Variants in GREM2 observed in about 807,000 individuals in gnomAD.
GREM2 encodes gremlin-2.
GREM2 carries 11 observed loss-of-function variants against 14.2 expected under a neutral mutation model. The ratio of observed to expected loss-of-function variants is 0.78; its 90% CI spans 0.49 to 1.28. The LOEUF is 1.28. GREM2 is among the 50% of genes most tolerant of loss of function. The pLI is 0.00. For synonymous variants in GREM2, 98 were observed against 97.6 expected (o/e 1.00, Z -0.02); for missense variants, 210 against 218.5 (o/e 0.96, Z 0.24).
intron 1 of GREM2, among the ~76,000 whole-genome samples, chr1:240,576,529 A>G (rs1679377154): frequency 6.6e-6 from 1 of 152,186 alleles, no homozygotes; most frequent in South Asian, 2.1e-4. Flanking sequence ...TTTTTTTTTA[A>G]GAAACCATGA....
chr1:240,526,775 C>T (rs930664125), intron 1 of GREM2, among the ~76,000 whole-genome samples: 1 of 152,170 alleles, frequency 6.6e-6, no homozygotes, highest in African/African-American at 2.4e-5. Context: ...AAAATCTGTG[C>T]TTTAGTGAAA....
intron 1 of GREM2, among the ~76,000 whole-genome samples, chr1:240,549,047 T>C (rs1254178512): frequency 6.6e-6 from 1 of 151,832 alleles, no homozygotes; most frequent in East Asian, 1.9e-4. Context: ...TGTTAAGAAG[T>C]AAAGCAAGGC....
At chr1:240,596,603 A>G (rs547179425) in intron 1 of GREM2, among the ~76,000 whole-genome samples, 283 of 152,172 alleles carry the variant, frequency 1.9e-3, no homozygotes, top group Non-Finnish European at 3.1e-3. Context: ...AGGCTGAGGC[A>G]GGAGAATTGC....
At chr1:240,503,881 A>T (rs1677625476) in intron 1 of GREM2, among the ~76,000 whole-genome samples, 1 of 152,202 alleles carries the variant, frequency 6.6e-6, no homozygotes, top group South Asian at 2.1e-4. Context: ...GAGTCTAAGT[A>T]ATTGGAAGAG....
chr1:240,579,399 C>T (rs1202478332), intron 1 of GREM2, among the ~76,000 whole-genome samples: 2 of 151,552 alleles, frequency 1.3e-5, no homozygotes, highest in African/African-American at 4.8e-5. Context: ...CGCAAAACAC[C>T]TCCTCAGTCT....
chr1:240,602,989 C>T (rs1571953813), intron 1 of GREM2, among the ~76,000 whole-genome samples: 1 of 152,046 alleles, frequency 6.6e-6, no homozygotes, highest in East Asian at 1.9e-4. Flanking sequence ...AGGAGAATGG[C>T]GTGAACCCGG....
chr1:240,507,242 T>A (rs1677694611), intron 1 of GREM2, among the ~76,000 whole-genome samples: 1 of 152,142 alleles, frequency 6.6e-6, no homozygotes, highest in Non-Finnish European at 1.5e-5. Context: ...GAACACCAGC[T>A]TTTTCCTTCC....
intron 1 of GREM2, among the ~76,000 whole-genome samples, chr1:240,524,758 C>G (rs2103307443): frequency 6.6e-6 from 1 of 152,292 alleles, no homozygotes; most frequent in South Asian, 2.1e-4. Flanking sequence ...GATGACCTTT[C>G]TTTTGCACAC....
chr1:240,519,995 G>A lies in GREM2; in HGVS notation c.-1-26519C>T, dbSNP rs113172381. Among the ~76,000 whole-genome samples, 1,199 of 152,170 alleles carry A rather than the reference G, an allele frequency of 7.9e-3. 14 individuals are homozygous for A. The highest frequency in any genetic ancestry group is 0.027 in the African/African-American group (1,115 of 41,486). On this transcript the variant is annotated intron_variant, in intron 1 of 1. Transcript: ENST00000318160. The stretch of plus-strand genomic sequence containing the variant: ...CTCAGGAGGCTGAGGCATGAGAACC[G>A]CTTGAACCCGAGAGACGGAGGTTGC...
intron 1 of GREM2, among the ~76,000 whole-genome samples, chr1:240,602,942 G>A (rs1387898482): frequency 2.0e-5 from 3 of 151,866 alleles, no homozygotes; most frequent in East Asian, 3.9e-4. Flanking sequence ...GTGTGGTGGC[G>A]GGCGCCTGTA....
rs1678565531 is a variant in GREM2, at chr1:240,540,655, T to C, written c.-1-47179A>G. Among the ~76,000 whole-genome samples the C allele has an allele frequency of 6.6e-6, 1 of 151,914 alleles. No individual in the cohort carries two copies. The highest frequency in any genetic ancestry group is 1.5e-5 in the Non-Finnish European group (1 of 67,990). ...TAGACTTACAGCAACCTCTGCCTCCTGGGTTCAAGAGATTCTCCTGCCTCA... is the reference window on the plus strand; with the variant it reads ...TAGACTTACAGCAACCTCTGCCTCCCGGGTTCAAGAGATTCTCCTGCCTCA... On this transcript the variant is annotated intron_variant, in intron 1 of 1. Coordinates refer to ENST00000318160, the MANE Select transcript of GREM2 (RefSeq NM_022469.4). This position sits in a 1 kb window ranked among gnomAD's most constrained non-coding sequence, Gnocchi z 4.2.
chr1:240,549,342 A>C (rs1408280615), intron 1 of GREM2, among the ~76,000 whole-genome samples: 1 of 151,984 alleles, frequency 6.6e-6, no homozygotes, highest in Admixed American at 6.6e-5. Flanking sequence ...ATCTCAAAAA[A>C]AAAAAAAAGA....
At chr1:240,524,770 T>G (rs549049909) in intron 1 of GREM2, among the ~76,000 whole-genome samples, 15 of 152,322 alleles carry the variant, frequency 9.8e-5, no homozygotes, top group African/African-American at 3.4e-4. Context: ...TTTGCACACT[T>G]TTTTCCTACC....
At chr1:240,551,192 G>A (rs1678842295) in intron 1 of GREM2, among the ~76,000 whole-genome samples, 1 of 152,130 alleles carries the variant, frequency 6.6e-6, no homozygotes, top group Non-Finnish European at 1.5e-5. Flanking sequence ...TTCTCCATGA[G>A]GGTTCAAAGT....
At chr1:240,500,548 A>C (rs1037136754) in intron 1 of GREM2, among the ~76,000 whole-genome samples, 2 of 152,036 alleles carry the variant, frequency 1.3e-5, no homozygotes, top group African/African-American at 4.8e-5. Context: ...CAAGTGATCC[A>C]TTCGCCTTGG....
intron 1 of GREM2, among the ~76,000 whole-genome samples, chr1:240,512,504 C>CAGTT: frequency 3.9e-4 from 53 of 136,342 alleles, no homozygotes; most frequent in South Asian, 1.6e-3. Context: ...TCATCTTGAT[C>CAGTT]TCACACATGA....
chr1:240,522,361 G>T lies in GREM2; in HGVS notation c.-1-28885C>A, dbSNP rs1468714615. Reference sequence around the variant, plus strand: ...CTTCTGGCACATTCAAGTCCCCATTGAATGCTTTACCTTGGCAAAGCAATT... The same window carrying T: ...CTTCTGGCACATTCAAGTCCCCATTTAATGCTTTACCTTGGCAAAGCAATT... On this transcript the variant is annotated intron_variant, in intron 1 of 1. Transcript: ENST00000318160. 2.0e-5 allele frequency among the ~76,000 whole-genome samples: 3 copies of T among 152,100 alleles called. 1 individual carries two copies. Among genetic ancestry groups the T allele is most frequent in the Non-Finnish European group, 4.4e-5 (3 of 68,030 alleles).
intron 1 of GREM2, among the ~76,000 whole-genome samples, chr1:240,507,189 C>A (rs1453161645): frequency 1.3e-5 from 2 of 152,112 alleles, no homozygotes; most frequent in Admixed American, 6.6e-5. Context: ...GATTACTGAG[C>A]GGTAGAGTAA....
intron 1 of GREM2, among the ~76,000 whole-genome samples, chr1:240,505,121 C>G (rs968890028): frequency 2.0e-5 from 3 of 152,126 alleles, no homozygotes; most frequent in African/African-American, 7.2e-5. Flanking sequence ...CCTCCCCTAT[C>G]TCTCTCTTCC....
Sources: gnomAD v4.1 joint callset for allele counts (sites outside exome capture counted in the v4.1 genomes callset) on GRCh38, gnomAD v4.1.1 for gene constraint, Gnocchi (gnomAD v3.1) non-coding constraint, MANE v1.5 for transcripts, NCBI Gene and HGNC (gene_info 2026-07-23, HGNC 2026-07-21) for gene names.